Variants in C4BPA observed in about 807,000 individuals in gnomAD.
C4BPA encodes C4b-binding protein alpha chain.
In C4BPA, 31 loss-of-function variants were observed where a neutral mutation model predicts 63.7. That is an observed-to-expected ratio of 0.49 (90% CI 0.37 to 0.66). The LOEUF (loss-of-function observed/expected upper bound fraction) is 0.66, where lower values mean the gene tolerates loss of function less well. Among genes scored for constraint, C4BPA ranks in the 30% least tolerant of loss-of-function variants. C4BPA has a pLI of 0.00. For synonymous variants in C4BPA, 259 were observed against 254.7 expected, an observed-to-expected ratio of 1.02 and a Z score of -0.16; for missense variants, 572 against 723.3, an observed-to-expected ratio of 0.79 and a Z score of 2.40.
chr1:207,130,859 A>G (rs1685144220), intron 7 of C4BPA, among the ~76,000 whole-genome samples: 1 of 152,204 alleles, frequency 6.6e-6, no homozygotes, highest in South Asian at 2.1e-4. Flanking sequence ...TGATAAAAAT[A>G]TTCTGAAATT....
intron 9 of C4BPA, among the ~76,000 whole-genome samples, chr1:207,137,470 T>A (rs1471267305): frequency 6.6e-6 from 1 of 152,178 alleles, no homozygotes; most frequent in African/African-American, 2.4e-5. Flanking sequence ...CAAAGTGGTG[T>A]CGGGGAAGGA....
intron 1 of C4BPA, among the ~76,000 whole-genome samples, chr1:207,106,457 T>TTTTTTTTTTTG (rs905722793): frequency 2.3e-5 from 3 of 129,656 alleles, no homozygotes; most frequent in African/African-American, 9.9e-5. Context: ...TTTTTTTTTT[T>TTTTTTTTTTTG]GAAACGGAGT....
Position 207,113,082 on chromosome 1 carries a change from C to G in C4BPA, c.57C>G (p.Ala19=). Residue 19 remains alanine, a synonymous_variant, in exon 2 of 12, where the codon GCC becomes GCG. Coordinates refer to ENST00000367070, the MANE Select transcript of C4BPA (RefSeq NM_000715.4). ...TTCATAGAAAAAGGAAAATGGCAGCCTGGCCCTTCTCCAGGCTGTGGAAAG... is the reference window on the plus strand; with the variant it reads ...TTCATAGAAAAAGGAAAATGGCAGCGTGGCCCTTCTCCAGGCTGTGGAAAG... ...GALHRKRKMA[A]WPFSRLWKVS... The G allele has an allele frequency of 6.2e-7, 1 of 1,610,790 alleles. No homozygotes were observed. Among genetic ancestry groups the G allele is most frequent in the Non-Finnish European group, 8.5e-7 (1 of 1,178,692 alleles).
rs560723963 is a variant in C4BPA, at chr1:207,110,275, G to A, written c.-25-2726G>A. On this transcript the variant is annotated intron_variant, in intron 1 of 11. Coordinates refer to ENST00000367070, the MANE Select transcript of C4BPA (RefSeq NM_000715.4). ...GGAATTAAAGAGGAAAAAGAGAGAG[G>A]GTAGATGATGTGGACAGGAATGGGA... Among the ~76,000 whole-genome samples the A allele has an allele frequency of 1.9e-4, 29 of 152,224 alleles. No homozygotes were observed. In the South Asian group the frequency reaches 5.8e-3, roughly 30 times the overall value.
chr1:207,140,498 T>C (rs1433292924), intron 9 of C4BPA, among the ~76,000 whole-genome samples: 1 of 150,098 alleles, frequency 6.7e-6, no homozygotes, highest in Non-Finnish European at 1.5e-5. Flanking sequence ...CCTGCTGCTC[T>C]GCTTTTTTTT....
chr1:207,127,090 C>T, intron 7 of C4BPA, 195 bp downstream of exon 7: 1 of 446,050 alleles, frequency 2.2e-6, no homozygotes, highest in Non-Finnish European at 3.9e-6. Flanking sequence ...CATATATTGT[C>T]ACACAAAACT....
intron 7 of C4BPA, among the ~76,000 whole-genome samples, chr1:207,131,116 G>A (rs1356441214): frequency 1.3e-5 from 2 of 152,160 alleles, no homozygotes; most frequent in African/African-American, 4.8e-5. Flanking sequence ...AAAAATGTTT[G>A]GAGCTTGGTT....
In C4BPA at chr1:207,114,171, A is replaced by C; in HGVS notation, c.214A>C (p.Lys72Gln). ...MDITLTETRF[K>Q]TGTTLKYTCL... ...TATTACGTTGACTGAGACACGCTTC[A>C]AAACTGGAACTACTCTGAAATACAC... Residue 72 changes from lysine (K) to glutamine (Q), a missense_variant, in exon 3 of 12, where the codon AAA (lysine) becomes CAA (glutamine). Physicochemically the swap from Lys to Gln is moderately conservative, Grantham distance 53 (BLOSUM62 1). Around this residue, in one of 2 missense-constraint regions of C4BPA, gnomAD observed 107 missense variants for 93.9 expected, o/e 1.14. Transcript: ENST00000367070. The C allele has an allele frequency of 1.2e-6, 2 of 1,613,814 alleles. No homozygotes were observed. The highest frequency in any genetic ancestry group is 1.7e-6 in the Non-Finnish European group (2 of 1,179,802).
intron 7 of C4BPA, among the ~76,000 whole-genome samples, chr1:207,129,561 A>G (rs1411663905): frequency 2.0e-5 from 3 of 151,988 alleles, no homozygotes; most frequent in African/African-American, 7.2e-5. Flanking sequence ...TGAAGAGAAA[A>G]TCTTGAAAGC....
chr1:207,130,038 T>C (rs1277665613), intron 7 of C4BPA, among the ~76,000 whole-genome samples: 4 of 152,188 alleles, frequency 2.6e-5, no homozygotes, highest in Non-Finnish European at 4.4e-5. Flanking sequence ...TATATACATA[T>C]TGTTTTATGC....
chr1:207,136,394 C>A (rs1255154956), intron 9 of C4BPA, among the ~76,000 whole-genome samples: 2 of 152,294 alleles, frequency 1.3e-5, no homozygotes, highest in Admixed American at 6.5e-5. Context: ...AAATAAAGAT[C>A]TTCACACTTC....
intron 4 of C4BPA, among the ~76,000 whole-genome samples, chr1:207,122,538 A>G (rs1192158565): frequency 1.3e-5 from 2 of 152,076 alleles, no homozygotes; most frequent in African/African-American, 2.4e-5. Flanking sequence ...TAATATGTAG[A>G]TTGACGTATT....
intron 9 of C4BPA, among the ~76,000 whole-genome samples, chr1:207,137,775 G>C (rs1282502568): frequency 1.3e-5 from 2 of 152,038 alleles, no homozygotes; most frequent in Admixed American, 1.3e-4. Flanking sequence ...ATGCCACTGG[G>C]CCCAGCTAAT....
At chr1:207,133,238 T>A (rs1685199074) in intron 8 of C4BPA, among the ~76,000 whole-genome samples, 1 of 152,230 alleles carries the variant, frequency 6.6e-6, no homozygotes, top group South Asian at 2.1e-4. Context: ...CCAAACCATA[T>A]GATTGCTGAA....
intron 8 of C4BPA, among the ~76,000 whole-genome samples, chr1:207,132,491 A>T (rs1233678578): frequency 1.3e-5 from 2 of 152,228 alleles, no homozygotes; most frequent in Non-Finnish European, 2.9e-5. Context: ...TCAGAATTTC[A>T]ACAATCTGTG....
chr1:207,110,608 A>G (rs954450924), intron 1 of C4BPA, among the ~76,000 whole-genome samples: 1 of 152,188 alleles, frequency 6.6e-6, no homozygotes, highest in Non-Finnish European at 1.5e-5. Context: ...TGGGCAACAT[A>G]GTAAGATCAC....
At chr1:207,112,350 G>GTTTTTT (rs61668698) in intron 1 of C4BPA, among the ~76,000 whole-genome samples, 3 of 114,162 alleles carry the variant, frequency 2.6e-5, no homozygotes, top group African/African-American at 6.6e-5. Flanking sequence ...CTGCCTTTTT[G>GTTTTTT]TTTTTTTTTT....
chr1:207,107,543 C>A (rs77306360), intron 1 of C4BPA, among the ~76,000 whole-genome samples: 53 of 151,888 alleles, frequency 3.5e-4, no homozygotes, highest in Non-Finnish European at 6.0e-4. Context: ...AGAGTGAGAC[C>A]CTGTCTCAAA....
In C4BPA at chr1:207,134,404, C is replaced by A. The variant is rs147746228; in HGVS notation, c.1085C>A (p.Ala362Glu). ...ATGCACCTCACATTTTATTTTTCAG[C>A]GTTATGTTGCCCTGAACCAAAGCTA... ...LRWTPYQGCE[A>E]LCCPEPKLNN... is the part of the protein sequence containing the mutation. The change falls in exon 9 of 12, where the codon GCG becomes GAG. Residue 362 changes from alanine to glutamate, a missense_variant and splice_region_variant. Ala to Glu is a moderately radical substitution (Grantham distance 107). Transcript: ENST00000367070. 2 of 1,608,352 alleles carry A rather than the reference C, an allele frequency of 1.2e-6. No individual in the cohort carries two copies. Among genetic ancestry groups the A allele is most frequent in the East Asian group, 2.2e-5 (1 of 44,762 alleles).
Sources: allele counts gnomAD v4.1 joint callset (sites outside exome capture counted in the v4.1 genomes callset), GRCh38; gene constraint gnomAD v4.1.1; regional missense constraint gnomAD v4.1.1; transcripts MANE v1.5; gene names NCBI Gene and HGNC (gene_info 2026-07-23, HGNC 2026-07-21).